The following CRB1 variants were observed in gnomAD, a reference collection of about 807,000 sequenced individuals.
The protein encoded by CRB1 is crumbs cell polarity complex component 1.
In CRB1, 83 loss-of-function variants were observed where a neutral mutation model predicts 120.0. That is an observed-to-expected ratio of 0.69 (90% confidence interval 0.58 to 0.83). The LOEUF is 0.83. CRB1 is among the 40% of genes least tolerant of loss of function. CRB1 has a pLI of 0.00. For synonymous variants in CRB1, 625 were observed against 612.5 expected (o/e 1.02, Z -0.30); for missense variants, 1,699 against 1,687.6 (o/e 1.01, Z -0.12).
At chr1:197,475,413 T>A (rs531449776) in intron 11 of CRB1, among the ~76,000 whole-genome samples, 6 of 152,264 alleles carry the variant, frequency 3.9e-5, no homozygotes, top group Admixed American at 3.9e-4. Flanking sequence ...CAATCTGACA[T>A]GGGGTGATGC....
chr1:197,415,884 C>T (rs555921743), intron 5 of CRB1, among the ~76,000 whole-genome samples: 117 of 152,138 alleles, frequency 7.7e-4, no homozygotes, highest in African/African-American at 2.7e-3. Flanking sequence ...TCTCGTGATC[C>T]GCCCACCTCG....
At chr1:197,243,274 T>C in the CRB1 span, among the ~76,000 whole-genome samples, 1 of 152,190 alleles carries the variant, frequency 6.6e-6, no homozygotes, top group Non-Finnish European at 1.5e-5. Context: ...TGTTAAAGAC[T>C]GTCAATTTTA....
chr1:197,266,264 G>A (rs1654629802), upstream of CRB1, among the ~76,000 whole-genome samples: 1 of 152,062 alleles, frequency 6.6e-6, no homozygotes, highest in East Asian at 1.9e-4. Flanking sequence ...CTGGGAAGAG[G>A]AACATCAAGG....
chr1:197,444,992 C>T (rs1665633783), intron 11 of CRB1, among the ~76,000 whole-genome samples: 1 of 152,012 alleles, frequency 6.6e-6, no homozygotes, highest in African/African-American at 2.4e-5. Context: ...GAAAGTGTCA[C>T]TGTGAGTAAA....
the CRB1 span, among the ~76,000 whole-genome samples, chr1:197,207,622 G>A: frequency 2.6e-5 from 4 of 152,140 alleles, no homozygotes; most frequent in Admixed American, 1.3e-4. Flanking sequence ...TGGGTTACCT[G>A]ATACTTTTGC....
At chr1:197,304,690 C>G (rs1447431299) in intron 1 of CRB1, among the ~76,000 whole-genome samples, 2 of 152,240 alleles carry the variant, frequency 1.3e-5, no homozygotes, top group Non-Finnish European at 2.9e-5. Context: ...AAGTGGAAAT[C>G]ATTTTCCTCT....
chr1:197,204,901 T>C, the CRB1 span, among the ~76,000 whole-genome samples: 1 of 152,242 alleles, frequency 6.6e-6, no homozygotes, highest in Non-Finnish European at 1.5e-5. Context: ...ATTTTTATGG[T>C]TTCACGTCTT....
the CRB1 span, among the ~76,000 whole-genome samples, chr1:197,233,920 C>T: frequency 3.9e-3 from 593 of 152,274 alleles, 4 homozygotes; most frequent in African/African-American, 0.014. Context: ...ATTTATCAGT[C>T]CTACATTGTG....
At chr1:197,286,538 T>C (rs1345682173) in intron 1 of CRB1, among the ~76,000 whole-genome samples, 6 of 151,946 alleles carry the variant, frequency 3.9e-5, no homozygotes, top group Non-Finnish European at 8.8e-5. Context: ...TTCCCAATAC[T>C]AATGTAACAG....
At chr1:197,299,563 T>TA (rs1196240331) in intron 1 of CRB1, among the ~76,000 whole-genome samples, 6 of 77,146 alleles carry the variant, frequency 7.8e-5, no homozygotes, top group African/African-American at 2.3e-4. Context: ...TCAAAATATG[T>TA]AAAAAAAGTT....
At chr1:197,297,517 G>A (rs887536664) in intron 1 of CRB1, among the ~76,000 whole-genome samples, 13 of 152,110 alleles carry the variant, frequency 8.5e-5, no homozygotes, top group Admixed American at 2.6e-4. Context: ...AGTGCAGGAT[G>A]AAAGATGACC....
At chr1:197,311,766 C>T (rs1430792319) in intron 1 of CRB1, among the ~76,000 whole-genome samples, 1 of 150,124 alleles carries the variant, frequency 6.7e-6, no homozygotes, top group East Asian at 1.9e-4. Context: ...TTAAGATCTA[C>T]TCTCTCTGGA....
At chr1:197,267,211 CT>C (rs1654669270), upstream of CRB1, among the ~76,000 whole-genome samples, 1 of 151,924 alleles carries the variant, frequency 6.6e-6, no homozygotes, top group Admixed American at 6.6e-5. Flanking sequence ...TTCTTTTACT[CT>C]AATTGTTAAA....
At chr1:197,219,205 C>A in the CRB1 span, among the ~76,000 whole-genome samples, 1 of 152,158 alleles carries the variant, frequency 6.6e-6, no homozygotes, top group Admixed American at 6.5e-5. Flanking sequence ...TTTTAAAAAT[C>A]TGACTCATAA....
chr1:197,332,707 G>A (rs1321621768), intron 2 of CRB1, among the ~76,000 whole-genome samples: 3 of 152,174 alleles, frequency 2.0e-5, no homozygotes, highest in Non-Finnish European at 2.9e-5. Flanking sequence ...TACTTCCAGA[G>A]GGTCAAATTT....
intron 4 of CRB1, among the ~76,000 whole-genome samples, chr1:197,350,973 T>C (rs1660058613): frequency 6.6e-6 from 1 of 152,018 alleles, no homozygotes; most frequent in African/African-American, 2.4e-5. Flanking sequence ...TGTAGTCCAT[T>C]ACTTATTTAA....
the CRB1 span, among the ~76,000 whole-genome samples, chr1:197,219,534 A>G: frequency 0.86 from 131,391 of 152,252 alleles, 57,142 homozygotes; most frequent in East Asian, 1. Context: ...GACTGCTAAT[A>G]TAATGACTAT....
intron 6 of CRB1, 26 bp from the exon 7 acceptor site, chr1:197,427,425 TCTC>T: frequency 1.2e-6 from 2 of 1,606,414 alleles, no homozygotes; most frequent in Non-Finnish European, 1.7e-6. Context: ...TCTTTTTTTT[TCTC>T]CTCCTCCTCT....
chr1:197,435,262 G>T lies in CRB1; in HGVS notation c.3399G>T (p.Val1133=), dbSNP rs146793724. ...TTCTCAAAATCTCTACCAATTCAGT[G>T]GTCACTGGCTGTTTGCAGTTAAATG... The part of the protein sequence containing the change: ...EQFLKISTNS[V]VTGCLQLNVC... Residue 1133 remains valine (V), a synonymous_variant, in exon 9 of 12, where the codon GTG becomes GTT. Coordinates refer to ENST00000367400, the MANE Select transcript of CRB1 (RefSeq NM_201253.3). 69 of 1,613,716 alleles carry T rather than the reference G, an allele frequency of 4.3e-5. No homozygotes were observed. In the African/African-American group the frequency reaches 8.5e-4, roughly 20 times the overall value.
Sources: gnomAD v4.1 joint callset for allele counts (sites outside exome capture counted in the v4.1 genomes callset) on GRCh38, gnomAD v4.1.1 for gene constraint, MANE v1.5 for transcripts, NCBI Gene and HGNC (gene_info 2026-07-23, HGNC 2026-07-21) for gene names.